STPG2: variants seen among roughly 807,000 people sequenced by gnomAD.
STPG2 encodes the protein sperm-tail PG-rich repeat-containing protein 2.
Under a neutral mutation model 54.2 loss-of-function variants are expected in STPG2, and 56 were observed. That is an observed-to-expected ratio of 1.03 (90% CI 0.83 to 1.29). The LOEUF is 1.29. Among genes scored for constraint, STPG2 ranks in the 50% most tolerant of loss-of-function variants. The pLI is 0.00. For missense variants in STPG2, 596 were observed against 544.9 expected, an observed-to-expected ratio of 1.09 and a Z score of -0.93; for synonymous variants, 200 against 181.8, an observed-to-expected ratio of 1.10 and a Z score of -0.81.
At chr4:97,658,597 T>C (rs1722284794) in intron 10 of STPG2, among the ~76,000 whole-genome samples, 1 of 152,138 alleles carries the variant, frequency 6.6e-6, no homozygotes, top group South Asian at 2.1e-4. Flanking sequence ...TAGCAAAGGA[T>C]ATCTCAGCAG....
At chr4:97,766,579 T>A (rs1726060697) in intron 9 of STPG2, among the ~76,000 whole-genome samples, 1 of 152,056 alleles carries the variant, frequency 6.6e-6, no homozygotes, top group African/African-American at 2.4e-5. Context: ...GACATTTGAG[T>A]AATATTAATT....
At chr4:97,508,942 T>C (rs1730910540) in intron 4 of STPG2, among the ~76,000 whole-genome samples, 1 of 152,124 alleles carries the variant, frequency 6.6e-6, no homozygotes, top group African/African-American at 2.4e-5. Context: ...ACTGTTTTCA[T>C]TGTCTTTTTA....
At chr4:97,911,803 T>A (rs911134348) in intron 8 of STPG2, among the ~76,000 whole-genome samples, 3 of 151,960 alleles carry the variant, frequency 2.0e-5, no homozygotes, top group Non-Finnish European at 4.4e-5. Context: ...GGAGAAGGGT[T>A]CTCCAGCACA....
intron 10 of STPG2, among the ~76,000 whole-genome samples, chr4:97,685,412 A>G (rs886157688): frequency 6.6e-6 from 1 of 152,100 alleles, no homozygotes; most frequent in Admixed American, 6.6e-5. Context: ...ATGGGAAGAC[A>G]TGGGGGAACA....
intron 9 of STPG2, among the ~76,000 whole-genome samples, chr4:97,816,063 G>C (rs1370385540): frequency 1.3e-5 from 2 of 151,842 alleles, no homozygotes; most frequent in African/African-American, 4.8e-5. Flanking sequence ...TCAGTGTGTG[G>C]TGCTCCCCTC....
chr4:97,799,447 T>C (rs1050768677), intron 9 of STPG2, among the ~76,000 whole-genome samples: 13 of 152,098 alleles, frequency 8.5e-5, no homozygotes, highest in Admixed American at 1.3e-4. Flanking sequence ...TATGAAACTT[T>C]GTTTGGCTGG....
intron 9 of STPG2, among the ~76,000 whole-genome samples, chr4:97,764,384 C>A (rs1197308783): frequency 6.6e-6 from 1 of 152,046 alleles, no homozygotes; most frequent in East Asian, 1.9e-4. Flanking sequence ...CTATAAGATA[C>A]ATTAGGTTGG....
intron 8 of STPG2, among the ~76,000 whole-genome samples, chr4:97,869,662 A>T (rs1415153998): frequency 6.6e-6 from 1 of 151,642 alleles, no homozygotes; most frequent in African/African-American, 2.4e-5. Context: ...ACTATAGTCA[A>T]CCAGACCCTG....
chr4:97,946,783 T>G (rs1733241454), intron 7 of STPG2, among the ~76,000 whole-genome samples: 1 of 152,212 alleles, frequency 6.6e-6, no homozygotes, highest in Admixed American at 6.5e-5. Flanking sequence ...CTGTGTATTT[T>G]GGTAACTACA....
intron 10 of STPG2, among the ~76,000 whole-genome samples, chr4:97,634,846 G>C (rs2148937330): frequency 6.6e-6 from 1 of 150,604 alleles, no homozygotes; most frequent in South Asian, 2.1e-4. Context: ...TATGTGAAAA[G>C]ACCAAATCTA....
At chr4:97,806,642 T>A (rs1242630767) in intron 9 of STPG2, among the ~76,000 whole-genome samples, 1 of 152,086 alleles carries the variant, frequency 6.6e-6, no homozygotes, top group East Asian at 1.9e-4. Context: ...GTGAGTGCAT[T>A]CACCCCTAAT....
intron 8 of STPG2, among the ~76,000 whole-genome samples, chr4:97,847,118 A>G (rs1386283757): frequency 1.3e-5 from 2 of 152,164 alleles, no homozygotes; most frequent in Admixed American, 1.3e-4. Flanking sequence ...TAGGCTATAA[A>G]TATAGTTATG....
At chr4:97,650,341 G>A (rs1270412043) in intron 10 of STPG2, among the ~76,000 whole-genome samples, 1 of 152,096 alleles carries the variant, frequency 6.6e-6, no homozygotes, top group South Asian at 2.1e-4. Flanking sequence ...TATTTGAAGA[G>A]ATTTATTCTG....
chr4:97,895,037 C>T (rs1352981525), intron 8 of STPG2, among the ~76,000 whole-genome samples: 6 of 151,670 alleles, frequency 4.0e-5, no homozygotes. Context: ...TCAAACAGAA[C>T]ATAAGAATAC....
In STPG2 at chr4:97,540,518, G is replaced by A. The variant is rs528158545; in HGVS notation, c.462+172181C>T. Reference sequence around the variant, plus strand: ...AACCAAAAAAAGTCCAGGAGCAGACGGATTCACAGCCGAATTCTACCAGAG... The same window carrying A: ...AACCAAAAAAAGTCCAGGAGCAGACAGATTCACAGCCGAATTCTACCAGAG... On this transcript the variant is annotated intron_variant, in intron 4 of 4. Transcript: ENST00000522676. 7.9e-5 allele frequency among the ~76,000 whole-genome samples: 12 copies of A among 152,244 alleles called. No homozygotes were observed. The East Asian group carries it at 1.2e-3, about 15-fold the overall frequency.
At chr4:97,541,506 G>A (rs1394916471) in intron 4 of STPG2, among the ~76,000 whole-genome samples, 2 of 152,168 alleles carry the variant, frequency 1.3e-5, no homozygotes, top group African/African-American at 4.8e-5. Flanking sequence ...CCATGCTCAT[G>A]GATAGGAAGA....
chr4:97,739,166 G>A (rs555300399), intron 9 of STPG2, among the ~76,000 whole-genome samples: 2 of 152,130 alleles, frequency 1.3e-5, no homozygotes, highest in South Asian at 2.1e-4. Context: ...TGAAACCAAC[G>A]AGAACAAAGA....
At chr4:98,019,396 A>G (rs1190610989) in intron 5 of STPG2, among the ~76,000 whole-genome samples, 1 of 151,850 alleles carries the variant, frequency 6.6e-6, no homozygotes, top group Admixed American at 6.6e-5. Flanking sequence ...TGTTACCAGT[A>G]CCATGATGTT....
intron 4 of STPG2, among the ~76,000 whole-genome samples, chr4:97,465,882 AC>A (rs1729776366): frequency 6.6e-6 from 1 of 151,950 alleles, no homozygotes; most frequent in Non-Finnish European, 1.5e-5. Context: ...CAGAGGGTGA[AC>A]TGTAATGTTC....
Sources: gnomAD v4.1 joint callset for allele counts (sites outside exome capture counted in the v4.1 genomes callset) on GRCh38, gnomAD v4.1.1 for gene constraint, MANE v1.5 for transcripts, NCBI Gene and HGNC (gene_info 2026-07-23, HGNC 2026-07-21) for gene names.